The following CCDC186 variants were observed in gnomAD, a reference collection of about 807,000 sequenced individuals.
The protein encoded by CCDC186 is coiled-coil domain containing 186.
Under a neutral mutation model 113.7 loss-of-function variants are expected in CCDC186, and 49 were observed. That is an observed-to-expected ratio of 0.43 (90% CI 0.34 to 0.55). The LOEUF (loss-of-function observed/expected upper bound fraction) is 0.55. CCDC186 is among the 20% of genes least tolerant of loss of function. CCDC186 has a pLI of 0.02. For missense variants in CCDC186, 890 were observed against 1,011.1 expected (o/e 0.88, Z 1.62); for synonymous variants, 355 against 345.8 (o/e 1.03, Z -0.30).
rs148542034 is a variant in CCDC186, at chr10:114,129,570, T to G, written c.2182+321A>C. ...TTTATTTTTTGAGACAGAGTCTTGCTCTGTTGCCCAGGCTGGAGTGCAGTG... is the reference window on the plus strand; with the variant it reads ...TTTATTTTTTGAGACAGAGTCTTGCGCTGTTGCCCAGGCTGGAGTGCAGTG... On this transcript the variant is annotated intron_variant, in intron 13 of 15. Coordinates refer to ENST00000369287, the MANE Select transcript of CCDC186 (RefSeq NM_018017.4). 1.9e-3 allele frequency among the ~76,000 whole-genome samples: 288 copies of G among 152,298 alleles called. 2 individuals are homozygous for G. The highest frequency in any genetic ancestry group is 6.6e-3 in the African/African-American group (275 of 41,554).
intron 4 of CCDC186, among the ~76,000 whole-genome samples, chr10:114,149,722 G>C (rs1482306541): frequency 9.1e-6 from 1 of 110,180 alleles, no homozygotes; most frequent in East Asian, 3.5e-4. Flanking sequence ...GGGAGGAAGG[G>C]AGGAAGGGAC....
At chr10:114,150,073 G>A (rs571648594) in intron 4 of CCDC186, among the ~76,000 whole-genome samples, 1 of 152,332 alleles carries the variant, frequency 6.6e-6, no homozygotes, top group South Asian at 2.1e-4. Flanking sequence ...AATAAAGGCT[G>A]AGGATAATCT....
At position 114,171,296 on chromosome 10, in the gene CCDC186, G is replaced by A. The variant is rs1417310655; in HGVS notation, c.-62+2719C>T. On this transcript the variant is annotated intron_variant, in intron 1 of 15. Coordinates refer to ENST00000369287, the MANE Select transcript of CCDC186 (RefSeq NM_018017.4). ...CACACCTGTAATCCCAGCACTTTGG[G>A]AGGCCTAGATGGGAGGATCAAATGA... Among the ~76,000 whole-genome samples, 3 of 152,134 alleles carry A rather than the reference G, an allele frequency of 2.0e-5. No homozygotes were observed. The East Asian group carries it at 5.8e-4, about 29-fold the overall frequency.
At chr10:114,137,351 G>C in intron 6 of CCDC186, 61 bp from the exon 7 acceptor site, 18 of 1,159,636 alleles carry the variant, frequency 1.6e-5, no homozygotes, top group Non-Finnish European at 2.3e-5. Flanking sequence ...GGTAAGAAGT[G>C]ACCGGCAAGT....
At chr10:114,138,452 T>C (rs2031354087) in intron 6 of CCDC186, among the ~76,000 whole-genome samples, 1 of 151,336 alleles carries the variant, frequency 6.6e-6, no homozygotes, top group Non-Finnish European at 1.5e-5. Context: ...TGCCACCACA[T>C]TCAGCTAATT....
At chr10:114,169,871 T>C (rs528003893) in intron 1 of CCDC186, among the ~76,000 whole-genome samples, 2 of 152,192 alleles carry the variant, frequency 1.3e-5, no homozygotes, top group African/African-American at 2.4e-5. Flanking sequence ...CTTTAAAAGA[T>C]ACTTTCTGGA....
intron 4 of CCDC186, among the ~76,000 whole-genome samples, chr10:114,150,751 T>C (rs1244053876): frequency 6.6e-6 from 1 of 152,170 alleles, no homozygotes; most frequent in East Asian, 1.9e-4. Context: ...CGGGTTCAAG[T>C]GATTCTCCTG....
intron 10 of CCDC186, among the ~76,000 whole-genome samples, chr10:114,132,814 G>A (rs189128977): frequency 6.6e-6 from 1 of 152,230 alleles, no homozygotes; most frequent in Non-Finnish European, 1.5e-5. Flanking sequence ...GAGGCTTCTT[G>A]TTGGTCCTAA....
In CCDC186 at chr10:114,123,267, C is replaced by G. The variant is rs920999918; in HGVS notation, c.*1876G>C. 2.6e-5 allele frequency: 4 copies of G among 152,372 alleles called. No individual in the cohort carries two copies. Among genetic ancestry groups the G allele is most frequent in the Non-Finnish European group, 5.9e-5 (4 of 67,964 alleles). The allele number at this position is 152,372 out of a possible 1,614,324, so 9.4% of individuals were successfully genotyped here. A position where few individuals can be genotyped will look rare whatever the true frequency, so the allele number is the denominator to read the frequency against. On this transcript the variant is annotated 3_prime_UTR_variant, in exon 16 of 16. Coordinates refer to ENST00000369287, the MANE Select transcript of CCDC186 (RefSeq NM_018017.4). ...AAGAACAAGACACATTATGTTAAGA[C>G]TAATACTTTTTATAACTATTCTAAA...
At chr10:114,153,379 T>C (rs545807369) in intron 3 of CCDC186, among the ~76,000 whole-genome samples, 1 of 152,136 alleles carries the variant, frequency 6.6e-6, no homozygotes, top group African/African-American at 2.4e-5. Context: ...CAAGGGAAAT[T>C]AGAAAGTACT....
Position 114,145,563 on chromosome 10 carries a change from G to C in CCDC186, c.1087C>G (p.Leu363Val). 1 of 1,607,846 alleles carries C rather than the reference G, an allele frequency of 6.2e-7. No individual in the cohort carries two copies. The highest frequency in any genetic ancestry group is 1.1e-5 in the South Asian group (1 of 89,654). Residue 363 changes from leucine to valine, a missense_variant, in exon 5 of 16, where the codon CTG becomes GTG. Physicochemically the swap from Leu to Val is conservative, Grantham distance 32 (BLOSUM62 1). Coordinates refer to ENST00000369287, the MANE Select transcript of CCDC186 (RefSeq NM_018017.4). ...ACAAGTTATACCTTAGTTTCATACA[G>C]CTGGTGCAACCGTCCTTTCTCCTGA... Reference protein sequence around the residue: ...LSQEKGRLHQLYETKEGETTR... With the variant: ...LSQEKGRLHQVYETKEGETTR...
At chr10:114,144,106 T>C (rs1452673081) in intron 6 of CCDC186, among the ~76,000 whole-genome samples, 1 of 152,022 alleles carries the variant, frequency 6.6e-6, no homozygotes, top group East Asian at 1.9e-4. Context: ...TTTTTTAAAA[T>C]TTCTAGAGTT....
chr10:114,124,859 TA>T lies in CCDC186; in HGVS notation c.*283del. The T allele has an allele frequency of 3.4e-6, 1 of 293,410 alleles. No individual in the cohort carries two copies. Among genetic ancestry groups the T allele is most frequent in the Non-Finnish European group, 6.2e-6 (1 of 160,722 alleles). The allele number at this position is 293,410 out of a possible 1,614,324, so 18.2% of individuals were successfully genotyped here. ...AAAGGGTTTTTTATAAAAGCCCTTG[TA>T]ATGTTCAACACTTCTTATGAATACA... On this transcript the variant is annotated 3_prime_UTR_variant, in exon 16 of 16. Coordinates refer to ENST00000369287, the MANE Select transcript of CCDC186 (RefSeq NM_018017.4).
chr10:114,159,760 G>A (rs2032114941), intron 2 of CCDC186, among the ~76,000 whole-genome samples: 1 of 151,704 alleles, frequency 6.6e-6, no homozygotes, highest in Non-Finnish European at 1.5e-5. Context: ...TTCCAGACTA[G>A]CCTGGGCAAC....
At chr10:114,147,781 TA>T (rs1324341247) in intron 4 of CCDC186, among the ~76,000 whole-genome samples, 6 of 151,894 alleles carry the variant, frequency 4.0e-5, no homozygotes, top group South Asian at 2.1e-4. Flanking sequence ...AGTTGAGAGA[TA>T]GGGGGTAGAA....
chr10:114,163,463 G>A, intron 1 of CCDC186, 134 bp from the exon 2 acceptor site: 3 of 746,832 alleles, frequency 4.0e-6, no homozygotes, highest in Admixed American at 3.6e-5. Flanking sequence ...GCCTGTCCTT[G>A]AGAAAAAAGA....
intron 1 of CCDC186, among the ~76,000 whole-genome samples, chr10:114,164,016 T>C (rs1304715375): frequency 1.3e-5 from 2 of 149,994 alleles, no homozygotes; most frequent in Non-Finnish European, 3.0e-5. Context: ...GGAGCCCATA[T>C]GCACTGCCTA....
At chr10:114,168,262 G>C (rs2119819532) in intron 1 of CCDC186, 1 of 152,152 alleles carries the variant, frequency 6.6e-6, no homozygotes, top group East Asian at 1.9e-4. Context: ...GTAGGCAACT[G>C]GTCAAGAAAC....
intron 1 of CCDC186, among the ~76,000 whole-genome samples, chr10:114,169,236 T>G: frequency 8.2e-6 from 1 of 121,618 alleles, no homozygotes; most frequent in East Asian, 2.0e-4. Context: ...GTACCATTCT[T>G]TTTTTTTTTT....
Sources: allele counts gnomAD v4.1 joint callset (sites outside exome capture counted in the v4.1 genomes callset), GRCh38; gene constraint gnomAD v4.1.1; transcripts MANE v1.5; gene names NCBI Gene and HGNC (gene_info 2026-07-23, HGNC 2026-07-21).